Variants in CNTNAP2 observed in about 807,000 individuals in gnomAD.
CNTNAP2 encodes the protein contactin-associated protein-like 2.
Under a neutral mutation model 155.2 loss-of-function variants are expected in CNTNAP2, and 98 were observed. The observed-to-expected ratio is 0.63, with a 90% CI of 0.54 to 0.75. The LOEUF (loss-of-function observed/expected upper bound fraction) is 0.75. Among genes scored for constraint, CNTNAP2 ranks in the 30% least tolerant of loss-of-function variants. The probability of loss-of-function intolerance (pLI) is 0.00; values close to 1 mark genes in which losing one functional copy is unlikely to be tolerated. For synonymous variants in CNTNAP2, 651 were observed against 631.2 expected, an observed-to-expected ratio of 1.03 and a Z score of -0.47; for missense variants, 1,727 against 1,688.1, an observed-to-expected ratio of 1.02 and a Z score of -0.40.
At chr7:146,215,292 C>T (rs1433048757) in intron 1 of CNTNAP2, among the ~76,000 whole-genome samples, 1 of 152,148 alleles carries the variant, frequency 6.6e-6, no homozygotes, top group African/African-American at 2.4e-5. Flanking sequence ...CTTAAAGTTA[C>T]TATCTTAACA....
chr7:147,351,437 T>C (rs2116878778), intron 9 of CNTNAP2, among the ~76,000 whole-genome samples: 1 of 151,780 alleles, frequency 6.6e-6, no homozygotes, highest in Non-Finnish European at 1.5e-5. Context: ...GAGAGAAAAA[T>C]AGCATCTGAG....
At chr7:147,214,903 A>T (rs1803232489) in intron 8 of CNTNAP2, among the ~76,000 whole-genome samples, 1 of 152,178 alleles carries the variant, frequency 6.6e-6, no homozygotes, top group African/African-American at 2.4e-5. Flanking sequence ...ACTTACGGTC[A>T]TGATAGAAGG....
intron 12 of CNTNAP2, among the ~76,000 whole-genome samples, chr7:147,602,249 GTTTA>G (rs1252226316): frequency 2.0e-5 from 3 of 151,530 alleles, no homozygotes; most frequent in African/African-American, 7.3e-5. Context: ...TAGGACAAGT[GTTTA>G]TTTTTTTCTT....
At chr7:146,657,241 A>G (rs572274714) in intron 1 of CNTNAP2, among the ~76,000 whole-genome samples, 1 of 152,132 alleles carries the variant, frequency 6.6e-6, no homozygotes, top group African/African-American at 2.4e-5. Context: ...CTGAGCTTTC[A>G]TCCTGTTTAT....
At chr7:148,030,780 T>C (rs989957557) in intron 15 of CNTNAP2, among the ~76,000 whole-genome samples, 4 of 151,662 alleles carry the variant, frequency 2.6e-5, no homozygotes, top group Admixed American at 6.6e-5. Flanking sequence ...AACTATTAAG[T>C]GAGTTAGGGC....
intron 13 of CNTNAP2, among the ~76,000 whole-genome samples, chr7:147,705,203 A>G (rs1033299328): frequency 6.6e-6 from 1 of 152,092 alleles, no homozygotes; most frequent in Non-Finnish European, 1.5e-5. Flanking sequence ...TTATGGCTAT[A>G]AATTTTCCCC....
chr7:146,586,828 C>A (rs1798699672), intron 1 of CNTNAP2, among the ~76,000 whole-genome samples: 1 of 152,128 alleles, frequency 6.6e-6, no homozygotes, highest in Non-Finnish European at 1.5e-5. Flanking sequence ...GGATCTTAGC[C>A]AGCCTAACTG....
intron 1 of CNTNAP2, among the ~76,000 whole-genome samples, chr7:146,283,884 A>G (rs1800288657): frequency 6.6e-6 from 1 of 152,144 alleles, no homozygotes; most frequent in Non-Finnish European, 1.5e-5. Flanking sequence ...AAGGTGGCTA[A>G]AGAAGATTCT....
chr7:146,950,855 T>G (rs537552601), intron 3 of CNTNAP2, among the ~76,000 whole-genome samples: 1 of 152,348 alleles, frequency 6.6e-6, no homozygotes. Flanking sequence ...TCTAGATCCC[T>G]GAATAATTGC....
At chr7:147,085,523 G>C (rs952185889) in intron 4 of CNTNAP2, among the ~76,000 whole-genome samples, 9 of 152,116 alleles carry the variant, frequency 5.9e-5, no homozygotes, top group African/African-American at 2.2e-4. Flanking sequence ...CCACCCCCAA[G>C]CCCAACCTGT....
intron 22 of CNTNAP2, among the ~76,000 whole-genome samples, chr7:148,401,015 T>G (rs898578439): frequency 1.2e-4 from 19 of 152,172 alleles, no homozygotes; most frequent in African/African-American, 4.6e-4. Context: ...CTGGATTGTT[T>G]AGGGAACAAT....
intron 11 of CNTNAP2, among the ~76,000 whole-genome samples, chr7:147,498,507 A>C (rs1375443413): frequency 6.6e-6 from 1 of 152,226 alleles, no homozygotes. Context: ...TTTTTGAGCT[A>C]ACACGTATTT....
At chr7:147,486,672 T>C (rs1798516634) in intron 11 of CNTNAP2, among the ~76,000 whole-genome samples, 1 of 152,324 alleles carries the variant, frequency 6.6e-6, no homozygotes, top group East Asian at 1.9e-4. Context: ...TTGGTTTATA[T>C]AAATAGCTTT....
At chr7:147,862,937 T>TCA (rs1554442870) in intron 13 of CNTNAP2, among the ~76,000 whole-genome samples, 1 of 151,966 alleles carries the variant, frequency 6.6e-6, no homozygotes, top group Non-Finnish European at 1.5e-5. Context: ...TTTTATATTT[T>TCA]TATATATATA....
intron 1 of CNTNAP2, among the ~76,000 whole-genome samples, chr7:146,259,540 G>A (rs1799889265): frequency 1.3e-5 from 2 of 152,150 alleles, no homozygotes. Context: ...CACTTATGCT[G>A]TGCTTTAGCA....
intron 1 of CNTNAP2, among the ~76,000 whole-genome samples, chr7:146,547,557 C>T (rs1798047022): frequency 6.6e-6 from 1 of 151,940 alleles, no homozygotes; most frequent in South Asian, 2.1e-4. Context: ...TTAGGTACCT[C>T]CTCCCAGAGA....
chr7:146,200,741 C>A, intron 1 of CNTNAP2, among the ~76,000 whole-genome samples: 1 of 151,964 alleles, frequency 6.6e-6, no homozygotes, highest in East Asian at 1.9e-4. Context: ...ATGCACTCTG[C>A]GATGTTTATA....
chr7:147,888,359 T>C (rs1799632908), intron 13 of CNTNAP2, among the ~76,000 whole-genome samples: 2 of 152,074 alleles, frequency 1.3e-5, no homozygotes, highest in South Asian at 4.1e-4. Flanking sequence ...CCAGCTAAAG[T>C]AGGAACAATG....
chr7:146,279,130 C>T (rs771757600), intron 1 of CNTNAP2, among the ~76,000 whole-genome samples: 43 of 152,040 alleles, frequency 2.8e-4, no homozygotes, highest in Non-Finnish European at 5.3e-4. Flanking sequence ...GATAAAGAAC[C>T]TCTCTGAGAA....
Sources: gnomAD v4.1 joint callset for allele counts (sites outside exome capture counted in the v4.1 genomes callset) on GRCh38, gnomAD v4.1.1 for gene constraint, MANE v1.5 for transcripts, NCBI Gene and HGNC (gene_info 2026-07-23, HGNC 2026-07-21) for gene names.